The following ALG12 variants were observed in gnomAD, a reference collection of about 807,000 sequenced individuals.
ALG12 encodes the protein ALG12 alpha-1,6-mannosyltransferase.
Under a neutral mutation model 46.0 loss-of-function variants are expected in ALG12, and 36 were observed. The observed-to-expected ratio is 0.78, with a 90% CI of 0.60 to 1.03. The LOEUF is 1.03. Among genes scored for constraint, ALG12 ranks in the 50% least tolerant of loss-of-function variants. The probability of loss-of-function intolerance (pLI) is 0.00; values close to 1 mark genes in which losing one functional copy is unlikely to be tolerated. For missense variants in ALG12, 599 were observed against 633.5 expected (o/e 0.95, Z 0.58); for synonymous variants, 326 against 291.6 (o/e 1.12, Z -1.20).
In ALG12 at chr22:49,905,001, G is replaced by A. The variant is rs908554342; in HGVS notation, c.993-495C>T. The stretch of plus-strand genomic sequence containing the variant: ...GATCTGCCCGCCTCAGCCTCCCAAA[G>A]TGCTGAGATTACAGGCATGAGCCAC... On this transcript the variant is annotated intron_variant, in intron 7 of 9. Coordinates refer to ENST00000330817, the MANE Select transcript of ALG12 (RefSeq NM_024105.4). This position sits in a 1 kb window ranked among gnomAD's most constrained non-coding sequence, Gnocchi z 4.9. Among the ~76,000 whole-genome samples the A allele has an allele frequency of 6.6e-6, 1 of 152,122 alleles. No individual in the cohort carries two copies. Among genetic ancestry groups the A allele is most frequent in the African/African-American group, 2.4e-5 (1 of 41,424 alleles).
At chr22:49,890,800 A>G in the ALG12 span, among the ~76,000 whole-genome samples, 4 of 152,140 alleles carry the variant, frequency 2.6e-5, no homozygotes, top group African/African-American at 7.2e-5. Flanking sequence ...GCAGATCACG[A>G]GGTCAGGAAA....
chr22:49,905,893 G>T lies in ALG12; in HGVS notation c.993-1387C>A, dbSNP rs908834117. 2.0e-5 allele frequency among the ~76,000 whole-genome samples: 3 copies of T among 152,172 alleles called. No individual in the cohort carries two copies. Among genetic ancestry groups the T allele is most frequent in the African/African-American group, 7.2e-5 (3 of 41,448 alleles). ...CCCCAAAGAGCTCAGCACTGCCAGGGCGTTCGTCCTTTGTTCCCGCCCAAA... is the reference window on the plus strand; with the variant it reads ...CCCCAAAGAGCTCAGCACTGCCAGGTCGTTCGTCCTTTGTTCCCGCCCAAA... On this transcript the variant is annotated intron_variant, in intron 7 of 9. Coordinates refer to ENST00000330817, the MANE Select transcript of ALG12 (RefSeq NM_024105.4). This position sits in a 1 kb window ranked among gnomAD's most constrained non-coding sequence, Gnocchi z 4.9.
chr22:49,876,385 C>T, the ALG12 span, among the ~76,000 whole-genome samples: 6 of 152,060 alleles, frequency 3.9e-5, no homozygotes, highest in Admixed American at 6.6e-5. Context: ...AATCTCCATC[C>T]GTGATGGTGA....
rs576035319 is a variant in ALG12, at chr22:49,912,669, G to A, written c.295+716C>T. Among the ~76,000 whole-genome samples, 18 of 152,308 alleles carry A rather than the reference G, an allele frequency of 1.2e-4. 1 individual carries two copies. The South Asian group carries it at 1.4e-3, about 12-fold the overall frequency. On this transcript the variant is annotated intron_variant, in intron 3 of 9. Transcript: ENST00000330817. ...TCTGGGTATTAAAAGCAATAAAAGC[G>A]TACTGAAATAAAAAAGTGGTGATTG...
intron 1 of ALG12, among the ~76,000 whole-genome samples, chr22:49,916,395 G>C (rs1217912875): frequency 1.3e-5 from 2 of 152,100 alleles, no homozygotes; most frequent in East Asian, 3.8e-4. Context: ...AGCCTAGCCA[G>C]CATGGTGAAA....
chr22:49,916,775 G>A (rs1440287305), intron 1 of ALG12, among the ~76,000 whole-genome samples: 1 of 152,184 alleles, frequency 6.6e-6, no homozygotes, highest in East Asian at 1.9e-4. Context: ...TACATCATGA[G>A]ACCCCATTTC....
chr22:49,907,962 GA>G lies in ALG12; in HGVS notation c.769-19del. On this transcript the variant is annotated intron_variant, in intron 6 of 9. Coordinates refer to ENST00000330817, the MANE Select transcript of ALG12 (RefSeq NM_024105.4). ...GGGGAGGTCTGCGGGCTGGGTTAAGGAGGCCACGCACCTGTCCACGCATGAG... is the reference window on the plus strand; with the variant it reads ...GGGGAGGTCTGCGGGCTGGGTTAAGGGGCCACGCACCTGTCCACGCATGAG... The G allele has an allele frequency of 6.2e-7, 1 of 1,609,434 alleles. No homozygotes were observed. Among genetic ancestry groups the G allele is most frequent in the Non-Finnish European group, 8.5e-7 (1 of 1,179,462 alleles).
At chr22:49,864,937 G>GCCCC in the ALG12 span, among the ~76,000 whole-genome samples, 1 of 11,336 alleles carries the variant, frequency 8.8e-5, no homozygotes, top group African/African-American at 1.4e-3. Context: ...ATCCCAGCAA[G>GCCCC]CCCCCCCCCC....
At chr22:49,886,596 C>A in the ALG12 span, 1 of 1,559,312 alleles carries the variant, frequency 6.4e-7, no homozygotes, top group Non-Finnish European at 8.7e-7. The surrounding 1 kb of genome is among the most constrained non-coding windows in gnomAD (Gnocchi z 7.7). Context: ...CGATGGGCAT[C>A]GACACCATGC....
chr22:49,881,192 A>G, the ALG12 span, among the ~76,000 whole-genome samples: 1 of 152,132 alleles, frequency 6.6e-6, no homozygotes, highest in East Asian at 1.9e-4. Context: ...CTAAAAATAC[A>G]AAAGGAATTA....
chr22:49,910,091 G>GC lies in ALG12; in HGVS notation c.470-4dup, dbSNP rs2060567291. On this transcript the variant is annotated splice_region_variant and splice_polypyrimidine_tract_variant and intron_variant, in intron 4 of 9. Coordinates refer to ENST00000330817, the MANE Select transcript of ALG12 (RefSeq NM_024105.4). ...CCAGGCCGCGAGGGCCAGCAGGACT[G>GC]CAAGACAGTGCGGGAGGGTGCTCGT... is the stretch of plus-strand genomic sequence containing the variant. The GC allele has an allele frequency of 1.2e-6, 2 of 1,601,376 alleles. No homozygotes were observed. The highest frequency in any genetic ancestry group is 1.3e-5 in the African/African-American group (1 of 74,816).
At chr22:49,886,830 A>C in the ALG12 span, 1 of 1,613,842 alleles carries the variant, frequency 6.2e-7, no homozygotes. The surrounding 1 kb of genome is among the most constrained non-coding windows in gnomAD (Gnocchi z 7.7). Flanking sequence ...CCCCGTCGAA[A>C]GACTCTGCCG....
the ALG12 span, among the ~76,000 whole-genome samples, chr22:49,865,281 A>T: frequency 6.6e-6 from 1 of 152,140 alleles, no homozygotes; most frequent in Non-Finnish European, 1.5e-5. Flanking sequence ...TCGTTATCTT[A>T]TGTAGCCACT....
chr22:49,873,762 A>C, the ALG12 span, among the ~76,000 whole-genome samples: 1 of 152,174 alleles, frequency 6.6e-6, no homozygotes, highest in Non-Finnish European at 1.5e-5. Context: ...GCTCAGAGAG[A>C]GTCAAGACCA....
the ALG12 span, among the ~76,000 whole-genome samples, chr22:49,878,752 G>T: frequency 6.6e-6 from 1 of 152,004 alleles, no homozygotes; most frequent in Non-Finnish European, 1.5e-5. Context: ...ACTAGTAAAA[G>T]AATTAGAAGA....
intron 1 of ALG12, 91 bp from the exon 2 acceptor site, chr22:49,913,934 G>T (rs1426401422): frequency 1.0e-5 from 8 of 798,434 alleles, no homozygotes; most frequent in Non-Finnish European, 6.2e-6. Context: ...AGAATTCTCT[G>T]AACTACTGTC....
chr22:49,917,815 G>A (rs2060622524), intron 1 of ALG12, among the ~76,000 whole-genome samples: 1 of 148,742 alleles, frequency 6.7e-6, no homozygotes, highest in East Asian at 1.9e-4. Context: ...TAAACCAGGG[G>A]TTCCTGAACA....
the ALG12 span, among the ~76,000 whole-genome samples, chr22:49,859,768 G>A: frequency 6.6e-6 from 1 of 152,232 alleles, no homozygotes. Context: ...GCTCACACCT[G>A]TAATCTCAGC....
chr22:49,913,580 C>T (rs755906550), intron 2 of ALG12, 24 bp downstream of exon 2: 117 of 1,613,624 alleles, frequency 7.3e-5, no homozygotes, highest in Non-Finnish European at 9.7e-5. Context: ...GAGGTTTTCC[C>T]CAAAGACAGC....
Sources: gnomAD v4.1 joint callset for allele counts (sites outside exome capture counted in the v4.1 genomes callset) on GRCh38, gnomAD v4.1.1 for gene constraint, Gnocchi (gnomAD v3.1) non-coding constraint, MANE v1.5 for transcripts, NCBI Gene and HGNC (gene_info 2026-07-23, HGNC 2026-07-21) for gene names.